MAP3K21: variants seen among roughly 807,000 people sequenced by gnomAD.
MAP3K21 encodes the protein mitogen-activated protein kinase kinase kinase 21.
Under a neutral mutation model 86.1 loss-of-function variants are expected in MAP3K21, and 63 were observed. The ratio of observed to expected loss-of-function variants is 0.73; its 90% confidence interval spans 0.60 to 0.90. The LOEUF (loss-of-function observed/expected upper bound fraction) is 0.90. MAP3K21 is among the 40% of genes least tolerant of loss of function. MAP3K21 has a pLI of 0.00. For missense variants in MAP3K21, 1,220 were observed against 1,367.7 expected (o/e 0.89, Z 1.70); for synonymous variants, 558 against 564.8 (o/e 0.99, Z 0.17).
In MAP3K21 at chr1:233,328,092, G is replaced by A; in HGVS notation, c.64G>A (p.Gly22Ser). Residue 22 changes from glycine to serine, a missense_variant, in exon 1 of 10, where the codon GGC (glycine) becomes AGC (serine). Transcript: ENST00000366624. This position sits in a 1 kb window ranked among gnomAD's most constrained non-coding sequence, Gnocchi z 8.7. ...GGTGTCCTCGGCCGGGGGAGCCCCC[G>A]GCGGCTCAGCGTCCTCGTCGTCCAC... ...TPVSSAGGAP[G>S]GSASSSSTSS... The A allele has an allele frequency of 1.5e-6, 2 of 1,367,904 alleles. No individual in the cohort carries two copies. The highest frequency in any genetic ancestry group is 1.9e-6 in the Non-Finnish European group (2 of 1,067,338). The allele number at this position is 1,367,904 out of a possible 1,614,324, so 84.7% of individuals were successfully genotyped here.
intron 5 of MAP3K21, among the ~76,000 whole-genome samples, chr1:233,371,603 G>A (rs1341117110): frequency 6.6e-6 from 1 of 152,104 alleles, no homozygotes; most frequent in Non-Finnish European, 1.5e-5. Flanking sequence ...CAAGTGATCT[G>A]CCCACCTCAG....
chr1:233,327,869 T>G lies in MAP3K21; in HGVS notation c.-160T>G. 2.0e-6 allele frequency: 1 copy of G among 496,430 alleles called. No individual in the cohort carries two copies. The highest frequency in any genetic ancestry group is 3.1e-6 in the Non-Finnish European group (1 of 324,610). 30.8% of individuals were successfully genotyped at this position (496,430 alleles called of 1,614,324 possible). On this transcript the variant is annotated 5_prime_UTR_variant, in exon 1 of 10. Transcript: ENST00000366624. ...GGAACGCGGGCCGAGGCTGGACCCT[T>G]TGGGCAGCTAGCCCGTGATCTCTGC...
chr1:233,361,659 C>T (rs1372788631), intron 4 of MAP3K21, among the ~76,000 whole-genome samples: 1 of 152,198 alleles, frequency 6.6e-6, no homozygotes, highest in Non-Finnish European at 1.5e-5. Context: ...GGGTCATTCA[C>T]ATCTGCACTT....
intron 4 of MAP3K21, among the ~76,000 whole-genome samples, chr1:233,356,467 GCAA>G (rs1663358334): frequency 7.2e-6 from 1 of 139,268 alleles, no homozygotes; most frequent in Middle Eastern, 3.8e-3. Context: ...GTTTTAATGA[GCAA>G]TTATTATTAT....
chr1:233,339,268 C>CTTCTTCTTCCTCT (rs1390932387), intron 1 of MAP3K21, among the ~76,000 whole-genome samples: 3 of 19,854 alleles, frequency 1.5e-4, no homozygotes, highest in African/African-American at 5.1e-4. Flanking sequence ...CTTCTTCTTC[C>CTTCTTCTTCCTCT]TCTTCTTCTT....
chr1:233,340,762 A>G (rs1663025758), intron 1 of MAP3K21, among the ~76,000 whole-genome samples: 2 of 152,202 alleles, frequency 1.3e-5, no homozygotes. Flanking sequence ...ATAAAGTTTC[A>G]TGAAGTTTTT....
intron 2 of MAP3K21, among the ~76,000 whole-genome samples, chr1:233,351,559 C>T (rs1276279067): frequency 2.6e-5 from 4 of 151,864 alleles, no homozygotes; most frequent in Admixed American, 6.6e-5. Context: ...GGTGTGGTGG[C>T]GGGTGCCTGT....
At chr1:233,348,681 G>A (rs1394195873) in intron 2 of MAP3K21, among the ~76,000 whole-genome samples, 3 of 151,988 alleles carry the variant, frequency 2.0e-5, no homozygotes, top group Non-Finnish European at 4.4e-5. Context: ...TTTGATTCGG[G>A]CCGTCCTTGT....
chr1:233,369,754 T>C (rs1459640000), intron 5 of MAP3K21, among the ~76,000 whole-genome samples: 1 of 152,220 alleles, frequency 6.6e-6, no homozygotes, highest in Non-Finnish European at 1.5e-5. Context: ...CTGTGGCTGC[T>C]TTCTCTCACA....
In MAP3K21 at chr1:233,353,975, G is replaced by A; in HGVS notation, c.1135+20G>A. On this transcript the variant is annotated intron_variant, in intron 3 of 9. Coordinates refer to ENST00000366624, the MANE Select transcript of MAP3K21 (RefSeq NM_032435.3). ...TGAAAGGTATTGTGTGTGTGTGTGTGTGTCTTTGTGGGGGCAAGAATTTCT... is the reference window on the plus strand; with the variant it reads ...TGAAAGGTATTGTGTGTGTGTGTGTATGTCTTTGTGGGGGCAAGAATTTCT... 6.8e-7 allele frequency: 1 copy of A among 1,468,982 alleles called. No homozygotes were observed. Among genetic ancestry groups the A allele is most frequent in the Non-Finnish European group, 9.1e-7 (1 of 1,103,936 alleles). 91.0% of individuals were successfully genotyped at this position (1,468,982 alleles called of 1,614,324 possible).
intron 6 of MAP3K21, 147 bp downstream of exon 6, chr1:233,372,307 A>G (rs1483301282): frequency 3.5e-6 from 3 of 861,860 alleles, no homozygotes; most frequent in Non-Finnish European, 3.4e-6. Flanking sequence ...TTGAGAAACA[A>G]AACTTGAGCA....
intron 1 of MAP3K21, among the ~76,000 whole-genome samples, chr1:233,335,324 T>A (rs1198223864): frequency 2.6e-5 from 4 of 152,164 alleles, no homozygotes; most frequent in Non-Finnish European, 5.9e-5. Context: ...CTTCTCCAAA[T>A]ATTGCTTCAC....
At chr1:233,345,726 T>TATAATAATA (rs72300159) in intron 1 of MAP3K21, among the ~76,000 whole-genome samples, 1,530 of 146,294 alleles carry the variant, frequency 0.01, 15 homozygotes, top group African/African-American at 0.012. Context: ...GAACTCAAAG[T>TATAATAATA]ATAATAATAA....
chr1:233,332,426 C>T (rs964594158), intron 1 of MAP3K21, among the ~76,000 whole-genome samples: 1 of 151,808 alleles, frequency 6.6e-6, no homozygotes, highest in Non-Finnish European at 1.5e-5. Context: ...CAAAAATGAG[C>T]CTTCCATATT....
intron 6 of MAP3K21, among the ~76,000 whole-genome samples, chr1:233,375,146 G>C (rs566208349): frequency 6.6e-6 from 1 of 152,018 alleles, no homozygotes; most frequent in African/African-American, 2.4e-5. Flanking sequence ...GTTTCACCAT[G>C]TTGGCCAGGC....
intron 6 of MAP3K21, among the ~76,000 whole-genome samples, chr1:233,375,193 C>T (rs577484543): frequency 1.1e-4 from 17 of 152,054 alleles, no homozygotes; most frequent in African/African-American, 4.1e-4. Flanking sequence ...TTGCCCGCCT[C>T]GGCCTCCCAA....
chr1:233,377,200 A>G (rs1203216671), intron 8 of MAP3K21, among the ~76,000 whole-genome samples: 5 of 152,240 alleles, frequency 3.3e-5, no homozygotes, highest in African/African-American at 7.2e-5. Flanking sequence ...TTTACTTTCA[A>G]TATTCTATAT....
chr1:233,348,200 A>G (rs1663185871), intron 2 of MAP3K21, among the ~76,000 whole-genome samples: 1 of 151,904 alleles, frequency 6.6e-6, no homozygotes, highest in Non-Finnish European at 1.5e-5. Flanking sequence ...CTGTATCTTG[A>G]CTTTTGTTTA....
Position 233,379,462 on chromosome 1 carries a change from ATCCACTGGTGGACAG to A in MAP3K21, c.2458_2472del (p.Pro820_Ser824del), listed in dbSNP as rs773014373. On this transcript the variant is annotated inframe_deletion, in exon 9 of 10. Coordinates refer to ENST00000366624, the MANE Select transcript of MAP3K21 (RefSeq NM_032435.3). ...TGCCTGCTGCAGATGGACAGTGAAG[ATCCACTGGTGGACAG>A]TGCACCTGTCACTTGTGACTCTGAG... The A allele has an allele frequency of 1.2e-6, 2 of 1,614,160 alleles. No individual in the cohort carries two copies. Among genetic ancestry groups the A allele is most frequent in the Non-Finnish European group, 8.5e-7 (1 of 1,180,042 alleles).
Sources: gnomAD v4.1 joint callset for allele counts (sites outside exome capture counted in the v4.1 genomes callset) on GRCh38, gnomAD v4.1.1 for gene constraint, Gnocchi (gnomAD v3.1) non-coding constraint, MANE v1.5 for transcripts, NCBI Gene and HGNC (gene_info 2026-07-23, HGNC 2026-07-21) for gene names.